Variants in PCNX2 observed in about 807,000 individuals in gnomAD.
The protein encoded by PCNX2 is pecanex 2, also known as pecanex-like protein 2.
In PCNX2, 168 loss-of-function variants were observed where a neutral mutation model predicts 223.8. The ratio of observed to expected loss-of-function variants is 0.75; its 90% CI spans 0.66 to 0.85. PCNX2 has a LOEUF of 0.85. Ranked by LOEUF, PCNX2 falls within the 40% of genes least tolerant of loss-of-function variation. PCNX2 has a pLI of 0.00. For missense variants in PCNX2, 2,507 were observed against 2,675.5 expected, an observed-to-expected ratio of 0.94 and a Z score of 1.39; for synonymous variants, 1,006 against 1,052.6, an observed-to-expected ratio of 0.96 and a Z score of 0.86.
chr1:233,130,115 C>A (rs1314392254), intron 21 of PCNX2, among the ~76,000 whole-genome samples: 3 of 152,152 alleles, frequency 2.0e-5, no homozygotes, highest in African/African-American at 2.4e-5. Flanking sequence ...TCTGCAGCCT[C>A]ACTCCTGAAG....
At chr1:233,298,918 G>A (rs1662214538), upstream of PCNX2, among the ~76,000 whole-genome samples, 1 of 151,112 alleles carries the variant, frequency 6.6e-6, no homozygotes, top group African/African-American at 2.4e-5. Flanking sequence ...AAAAAACTAA[G>A]TATGCTTCTT....
chr1:233,167,891 T>C, intron 17 of PCNX2: 2 of 860,520 alleles, frequency 2.3e-6, no homozygotes, highest in Non-Finnish European at 2.8e-6. Context: ...GATATAAATA[T>C]ATGTAGGTTT....
At chr1:233,232,776 G>A (rs955719664) in intron 9 of PCNX2, 3 of 982,180 alleles carry the variant, frequency 3.1e-6, no homozygotes, top group Middle Eastern at 5.2e-4. Flanking sequence ...ATAACAGTCA[G>A]CCAGGCCTAG....
chr1:233,166,806 T>C lies in PCNX2; in HGVS notation c.3274-5443A>G, dbSNP rs201524289. Among the ~76,000 whole-genome samples, 17 of 152,124 alleles carry C rather than the reference T, an allele frequency of 1.1e-4. 1 individual carries two copies. The highest frequency in any genetic ancestry group is 1.0e-3 in the Admixed American group (16 of 15,272). On this transcript the variant is annotated intron_variant, in intron 17 of 33. Transcript: ENST00000258229. Reference sequence around the variant, plus strand: ...TATTTTTTTTTGGTGGGAATGTAGATAGGTGCAACCCATTATGAAAATAAT... The same window carrying C: ...TATTTTTTTTTGGTGGGAATGTAGACAGGTGCAACCCATTATGAAAATAAT...
At chr1:233,100,417 C>CA (rs5781726) in intron 21 of PCNX2, among the ~76,000 whole-genome samples, 855 of 80,702 alleles carry the variant, frequency 0.011, 10 homozygotes, top group East Asian at 0.048. Context: ...GATTCTGTCT[C>CA]AAAAAAAAAA....
chr1:233,317,669 C>T, the PCNX2 span, among the ~76,000 whole-genome samples: 2 of 149,212 alleles, frequency 1.3e-5, no homozygotes, highest in African/African-American at 2.5e-5. Context: ...AAATGAGGGG[C>T]GGGGGGAGAA....
chr1:233,324,979 T>A, the PCNX2 span, among the ~76,000 whole-genome samples: 3 of 152,218 alleles, frequency 2.0e-5, no homozygotes. Context: ...TGACAATGTA[T>A]CTGGTCACCC....
At chr1:233,031,720 A>T in intron 25 of PCNX2, 1 of 983,776 alleles carries the variant, frequency 1.0e-6, no homozygotes, top group Non-Finnish European at 1.2e-6. Context: ...GCCTGATCCC[A>T]AATCTTCGGA....
chr1:232,993,318 A>T (rs1017214359), intron 32 of PCNX2, among the ~76,000 whole-genome samples: 1 of 152,220 alleles, frequency 6.6e-6, no homozygotes, highest in African/African-American at 2.4e-5. Flanking sequence ...TGCTTTAACA[A>T]AGAGACTGGC....
At chr1:232,986,014 A>C in intron 33 of PCNX2, 78 bp downstream of exon 33, 1 of 1,474,546 alleles carries the variant, frequency 6.8e-7, no homozygotes, top group Non-Finnish European at 9.3e-7. Context: ...GTGGGAACGC[A>C]AGGCAGGTGC....
intron 23 of PCNX2, among the ~76,000 whole-genome samples, chr1:233,076,383 A>G (rs189474272): frequency 6.6e-5 from 10 of 152,306 alleles, no homozygotes; most frequent in Admixed American, 2.0e-4. Context: ...TAGCAATGGA[A>G]CTGCAGTAAT....
At chr1:233,307,279 T>G in the PCNX2 span, among the ~76,000 whole-genome samples, 2 of 152,232 alleles carry the variant, frequency 1.3e-5, no homozygotes, top group South Asian at 2.1e-4. Flanking sequence ...CTTTAGGTCC[T>G]GAAGGCAGAT....
At chr1:233,205,359 T>C (rs2102904448) in intron 13 of PCNX2, among the ~76,000 whole-genome samples, 1 of 152,322 alleles carries the variant, frequency 6.6e-6, no homozygotes, top group Non-Finnish European at 1.5e-5. Context: ...GAATGGGAAG[T>C]ATTCCAAAAG....
At chr1:233,119,628 C>T (rs370120614) in intron 21 of PCNX2, among the ~76,000 whole-genome samples, 20 of 147,546 alleles carry the variant, frequency 1.4e-4, no homozygotes, top group African/African-American at 2.2e-4. Context: ...AACAAAAAAA[C>T]GAAAAAATGG....
rs1407476376 is a variant in PCNX2, at chr1:233,253,901, C to T, written c.1835-1113G>A. 2.0e-5 allele frequency among the ~76,000 whole-genome samples: 3 copies of T among 152,170 alleles called. No homozygotes were observed. Among genetic ancestry groups the T allele is most frequent in the Admixed American group, 2.0e-4 (3 of 15,272 alleles). On this transcript the variant is annotated intron_variant, in intron 5 of 33. Coordinates refer to ENST00000258229, the MANE Select transcript of PCNX2 (RefSeq NM_014801.4). The surrounding 1 kb of genome is among the most constrained non-coding windows in gnomAD (Gnocchi z 4.2). Reference sequence around the variant, plus strand: ...TTTTCTGTGGACACATTCCAACAGTCACTTTTAAGATCAAAAGGACCATTG... The same window carrying T: ...TTTTCTGTGGACACATTCCAACAGTTACTTTTAAGATCAAAAGGACCATTG...
chr1:233,208,657 T>A lies in PCNX2; in HGVS notation c.2724A>T (p.Pro908=). ...GHNQIITYSR[P]IYFCVLCGLI... The stretch of plus-strand genomic sequence containing the variant: ...GGCCACACAGCACACAAAAATAGAT[T>A]GGTCTGCTATATGTTATGATTTGGT... Residue 908 remains proline, a synonymous_variant, in exon 13 of 34, where the codon CCA becomes CCT. Coordinates refer to ENST00000258229, the MANE Select transcript of PCNX2 (RefSeq NM_014801.4). 1 of 1,613,722 alleles carries A rather than the reference T, an allele frequency of 6.2e-7. No homozygotes were observed. The highest frequency in any genetic ancestry group is 8.5e-7 in the Non-Finnish European group (1 of 1,179,814).
At chr1:233,008,117 T>C (rs1021346716) in intron 28 of PCNX2, among the ~76,000 whole-genome samples, 2 of 152,212 alleles carry the variant, frequency 1.3e-5, no homozygotes, top group African/African-American at 4.8e-5. Context: ...CTAATTGGTA[T>C]GTATACCCTG....
chr1:233,160,301 G>GA lies in PCNX2; in HGVS notation c.3498dup (p.His1167SerfsTer25). 1 of 1,610,024 alleles carries GA rather than the reference G, an allele frequency of 6.2e-7. No individual in the cohort carries two copies. Among genetic ancestry groups the GA allele is most frequent in the South Asian group, 1.1e-5 (1 of 90,936 alleles). ...TACTAACCTCTCACTTCCCGTTGAT[G>GA]ATACTCTTTGTTTTTGAGAATGGGG... On this transcript the variant is annotated frameshift_variant, in exon 19 of 34. Coordinates refer to ENST00000258229, the MANE Select transcript of PCNX2 (RefSeq NM_014801.4). LOFTEE classifies it high-confidence loss of function.
intron 21 of PCNX2, among the ~76,000 whole-genome samples, chr1:233,105,496 A>G (rs80060128): frequency 0.021 from 3,258 of 152,314 alleles, 35 homozygotes; most frequent in East Asian, 0.043. Flanking sequence ...AACAAGATGA[A>G]TCTGATTAAC....
Sources: gnomAD v4.1 joint callset for allele counts (sites outside exome capture counted in the v4.1 genomes callset) on GRCh38, gnomAD v4.1.1 for gene constraint, Gnocchi (gnomAD v3.1) non-coding constraint, MANE v1.5 for transcripts, NCBI Gene and HGNC (gene_info 2026-07-23, HGNC 2026-07-21) for gene names.